Variants in INO80 observed in about 807,000 individuals in gnomAD.
INO80 encodes the protein chromatin-remodeling ATPase INO80.
INO80 carries 20 observed loss-of-function variants against 203.4 expected under a neutral mutation model. That is an observed-to-expected ratio of 0.10 (90% CI 0.07 to 0.14). The LOEUF is 0.14. INO80 is among the 10% of genes least tolerant of loss of function. INO80 has a pLI of 1.00. For missense variants in INO80, 1,419 were observed against 1,914.4 expected (o/e 0.74, Z 4.83); for synonymous variants, 726 against 685.2 (o/e 1.06, Z -0.93).
At chr15:41,074,233 T>TA in intron 10 of INO80, 137 bp downstream of exon 10, 2 of 510,872 alleles carry the variant, frequency 3.9e-6, no homozygotes, top group Non-Finnish European at 6.8e-6. Context: ...ACACTTTCCC[T>TA]ACTCCAGTAC....
At chr15:41,080,916 A>T in intron 8 of INO80, 104 bp downstream of exon 8, 3 of 744,750 alleles carry the variant, frequency 4.0e-6, no homozygotes, top group Non-Finnish European at 4.8e-6. Flanking sequence ...TATTAGATTC[A>T]TGATCAACAG....
chr15:41,029,292 C>T (rs924161013), intron 24 of INO80, among the ~76,000 whole-genome samples: 1 of 151,892 alleles, frequency 6.6e-6, no homozygotes, highest in African/African-American at 2.4e-5. Flanking sequence ...TTATTTTCCA[C>T]AGGGCTTACA....
In INO80 at chr15:41,079,714, T is replaced by G. The variant is rs1466874180; in HGVS notation, c.1118A>C (p.Glu373Ala). 2 of 1,614,146 alleles carry G rather than the reference T, an allele frequency of 1.2e-6. No individual in the cohort carries two copies. The highest frequency in any genetic ancestry group is 1.7e-6 in the Non-Finnish European group (2 of 1,180,004). The change falls in exon 9 of 36, where the codon GAG becomes GCG. Residue 373 changes from glutamate to alanine, a missense_variant. Coordinates refer to ENST00000648947, the MANE Select transcript of INO80 (RefSeq NM_017553.3). ...KEALEQRKLD[E>A]EMREAKRQQR... is the part of the protein sequence containing the mutation. ...CTTTTGCCCTACCTCCCGCATTTCC[T>G]CATCCAACTTCCGCTGCTCCAAAGC...
chr15:41,007,627 T>C (rs1234440880), intron 27 of INO80, among the ~76,000 whole-genome samples: 1 of 151,788 alleles, frequency 6.6e-6, no homozygotes, highest in Non-Finnish European at 1.5e-5. Flanking sequence ...AAACCAACCC[T>C]GATTATAGAG....
intron 26 of INO80, among the ~76,000 whole-genome samples, chr15:41,019,806 C>T (rs886843976): frequency 3.3e-5 from 5 of 152,182 alleles, no homozygotes; most frequent in Admixed American, 3.3e-4. Flanking sequence ...TGACACTTGA[C>T]AAAGTTAAAA....
chr15:41,071,181 A>T (rs1182569535), intron 12 of INO80, among the ~76,000 whole-genome samples: 2 of 152,188 alleles, frequency 1.3e-5, no homozygotes, highest in African/African-American at 4.8e-5. Flanking sequence ...AAAGAAAGAG[A>T]AACAGAGACA....
chr15:41,071,289 A>G (rs188874229), intron 12 of INO80, among the ~76,000 whole-genome samples: 16 of 152,312 alleles, frequency 1.1e-4, no homozygotes, highest in African/African-American at 3.8e-4. Flanking sequence ...GTACATGTGC[A>G]CAACGTGCAG....
intron 24 of INO80, among the ~76,000 whole-genome samples, chr15:41,038,820 T>C (rs2044621986): frequency 1.3e-5 from 2 of 152,204 alleles, no homozygotes; most frequent in Admixed American, 6.5e-5. Context: ...AAAATACAAA[T>C]AACAAAGATC....
chr15:40,999,816 C>G (rs1458846570), intron 28 of INO80, among the ~76,000 whole-genome samples: 1 of 152,130 alleles, frequency 6.6e-6, no homozygotes, highest in Admixed American at 6.5e-5. Context: ...CAAATAAAAA[C>G]TGATTGAGCT....
In INO80 at chr15:40,984,224, G is replaced by A. The variant is rs777222507; in HGVS notation, c.4050C>T (p.Asp1350=). The change falls in exon 33 of 36, where the codon GAC becomes GAT. Residue 1350 remains aspartate (D), a synonymous_variant. Transcript: ENST00000648947. Reference sequence around the variant, plus strand: ...CACTGAAAGGGCTTGGCATGGCTGAGTCCACGCTAATGAAGGAGTCATCTC... The same window carrying A: ...CACTGAAAGGGCTTGGCATGGCTGAATCCACGCTAATGAAGGAGTCATCTC... ...ADGDDSFISV[D]SAMPSPFSEI... 6.2e-7 allele frequency: 1 copy of A among 1,613,700 alleles called. No individual in the cohort carries two copies. Among genetic ancestry groups the A allele is most frequent in the South Asian group, 1.1e-5 (1 of 90,960 alleles).
chr15:41,090,275 A>G (rs2045615476), intron 5 of INO80, among the ~76,000 whole-genome samples: 1 of 152,216 alleles, frequency 6.6e-6, no homozygotes, highest in African/African-American at 2.4e-5. Context: ...GGGCACATTT[A>G]TAGAAACAGA....
rs2045292223 is a variant in INO80, at chr15:41,070,463, C to T, written c.1686+4G>A. The T allele has an allele frequency of 1.2e-6, 2 of 1,612,210 alleles. No homozygotes were observed. Among genetic ancestry groups the T allele is most frequent in the Non-Finnish European group, 1.7e-6 (2 of 1,178,512 alleles). On this transcript the variant is annotated splice_donor_region_variant and intron_variant, in intron 13 of 35. Transcript: ENST00000648947. ...ATGAAGATAGAAAGATTGCATCTAC[C>T]CACCTCAGCCAGATGGGCCAGAAGG... is the stretch of plus-strand genomic sequence containing the variant.
At chr15:40,983,942 A>T in intron 33 of INO80, 21 bp from the exon 34 acceptor site, 1 of 1,611,986 alleles carries the variant, frequency 6.2e-7, no homozygotes, top group Non-Finnish European at 8.5e-7. Context: ...AAGGGTTAAG[A>T]TCATTACGAC....
chr15:41,088,530 T>C (rs1487932509), intron 5 of INO80, among the ~76,000 whole-genome samples: 2 of 152,228 alleles, frequency 1.3e-5, no homozygotes, highest in African/African-American at 4.8e-5. Context: ...TTATTATAAA[T>C]AGTGCCTACA....
At chr15:41,098,422 C>T (rs1566948610) in intron 1 of INO80, among the ~76,000 whole-genome samples, 1 of 152,122 alleles carries the variant, frequency 6.6e-6, no homozygotes, top group Non-Finnish European at 1.5e-5. Context: ...TGCCTGTAAT[C>T]CCAGCACTCT....
intron 27 of INO80, among the ~76,000 whole-genome samples, chr15:41,012,426 C>T (rs988648752): frequency 3.3e-5 from 5 of 151,900 alleles, no homozygotes; most frequent in Admixed American, 6.6e-5. Flanking sequence ...ATTAGCCAGG[C>T]GTGGTGATGC....
At chr15:41,099,945 T>C (rs929242093) in intron 1 of INO80, among the ~76,000 whole-genome samples, 1 of 152,210 alleles carries the variant, frequency 6.6e-6, no homozygotes, top group Admixed American at 6.5e-5. Flanking sequence ...ACTACTCTGC[T>C]TGGCTCCATC....
At chr15:41,059,806 A>C in intron 15 of INO80, 61 bp downstream of exon 15, 1 of 1,079,810 alleles carries the variant, frequency 9.3e-7, no homozygotes, top group Non-Finnish European at 1.4e-6. Context: ...TATCCACATC[A>C]ATTAGAGAAA....
intron 28 of INO80, among the ~76,000 whole-genome samples, chr15:40,999,023 T>C (rs912837549): frequency 4.5e-5 from 4 of 88,626 alleles, no homozygotes; most frequent in African/African-American, 2.0e-4. Context: ...CACACACAAA[T>C]AAGGGCTCAG....
Sources: allele counts gnomAD v4.1 joint callset (sites outside exome capture counted in the v4.1 genomes callset), GRCh38; gene constraint gnomAD v4.1.1; transcripts MANE v1.5; gene names NCBI Gene and HGNC (gene_info 2026-07-23, HGNC 2026-07-21).